Variants in ADCY2 observed in about 807,000 individuals in gnomAD.
ADCY2 encodes the protein adenylate cyclase type 2.
ADCY2 carries 31 observed loss-of-function variants against 125.2 expected under a neutral mutation model. The observed-to-expected ratio is 0.25, with a 90% CI of 0.19 to 0.33. The LOEUF is 0.33. Ranked by LOEUF, ADCY2 falls within the 10% of genes least tolerant of loss-of-function variation. The pLI, the probability that ADCY2 is intolerant of heterozygous loss-of-function variation, is 1.00. For missense variants in ADCY2, 904 were observed against 1,418.2 expected (o/e 0.64, Z 5.82); for synonymous variants, 512 against 548.4 (o/e 0.93, Z 0.93).
At position 7,444,205 on chromosome 5, in the gene ADCY2, C is replaced by G. The variant is rs945040533; in HGVS notation, c.408+29435C>G. Among the ~76,000 whole-genome samples the G allele has an allele frequency of 3.3e-5, 5 of 151,404 alleles. 2 individuals are homozygous for G. The highest frequency in any genetic ancestry group is 3.3e-4 in the Admixed American group (5 of 15,234). On this transcript the variant is annotated intron_variant, in intron 2 of 24. Transcript: ENST00000338316. ...CTCGGCTCACTGCAAGCTCCGCCTC[C>G]CGGGTTCACGCCATTCTCCAGCCTC...
At chr5:7,720,563 C>T (rs1046304851) in intron 12 of ADCY2, among the ~76,000 whole-genome samples, 1 of 151,246 alleles carries the variant, frequency 6.6e-6, no homozygotes, top group Non-Finnish European at 1.5e-5. Context: ...CACCCCATGA[C>T]AGGCTCTGTT....
chr5:7,777,585 A>G (rs1026405601), intron 18 of ADCY2, among the ~76,000 whole-genome samples: 3 of 152,198 alleles, frequency 2.0e-5, no homozygotes, highest in African/African-American at 7.2e-5. Context: ...AAGTTCAGGG[A>G]AGGCATCTCT....
intron 3 of ADCY2, among the ~76,000 whole-genome samples, chr5:7,541,438 G>A (rs947542393): frequency 6.6e-6 from 1 of 152,194 alleles, no homozygotes; most frequent in Non-Finnish European, 1.5e-5. Flanking sequence ...TTTAATCAGG[G>A]GAATGTCAGA....
intron 3 of ADCY2, among the ~76,000 whole-genome samples, chr5:7,566,219 T>G (rs1317843140): frequency 6.6e-6 from 1 of 152,192 alleles, no homozygotes; most frequent in Non-Finnish European, 1.5e-5. Flanking sequence ...CTGGGCGCAG[T>G]GGCTTAAGCC....
intron 3 of ADCY2, among the ~76,000 whole-genome samples, chr5:7,572,665 C>A (rs1383287049): frequency 6.6e-6 from 1 of 152,026 alleles, no homozygotes; most frequent in Non-Finnish European, 1.5e-5. Context: ...TTTTTGCTTT[C>A]GTTGCAATTA....
At chr5:7,714,370 A>G (rs953188780) in intron 11 of ADCY2, among the ~76,000 whole-genome samples, 3 of 152,232 alleles carry the variant, frequency 2.0e-5, no homozygotes, top group Admixed American at 2.0e-4. Context: ...GTAATGTGTC[A>G]TGGAACCCCA....
At chr5:7,715,425 T>C (rs1741565095) in intron 11 of ADCY2, among the ~76,000 whole-genome samples, 1 of 152,128 alleles carries the variant, frequency 6.6e-6, no homozygotes, top group African/African-American at 2.4e-5. Flanking sequence ...AGCCATCAAA[T>C]TGAAGTCAAG....
intron 2 of ADCY2, among the ~76,000 whole-genome samples, chr5:7,451,430 GT>G: frequency 6.6e-6 from 1 of 152,360 alleles, no homozygotes; most frequent in East Asian, 1.9e-4. Context: ...GCCTGAAGAT[GT>G]GAACAAATTA....
intron 2 of ADCY2, among the ~76,000 whole-genome samples, chr5:7,509,367 G>A (rs1006037600): frequency 6.6e-6 from 1 of 152,188 alleles, no homozygotes; most frequent in Non-Finnish European, 1.5e-5. Flanking sequence ...CCGTCCTTTC[G>A]CACAGCGTAG....
At chr5:7,411,934 G>T (rs1311915377) in intron 1 of ADCY2, among the ~76,000 whole-genome samples, 3 of 152,278 alleles carry the variant, frequency 2.0e-5, no homozygotes, top group African/African-American at 7.2e-5. Context: ...AATTGGCCGG[G>T]CGTAGTGGCG....
intron 4 of ADCY2, among the ~76,000 whole-genome samples, chr5:7,671,937 C>A (rs2126704995): frequency 6.6e-6 from 1 of 152,276 alleles, no homozygotes; most frequent in East Asian, 1.9e-4. Flanking sequence ...GACTTGGAGT[C>A]TCATTCAAAT....
chr5:7,529,301 G>T (rs1239979129), intron 3 of ADCY2, among the ~76,000 whole-genome samples: 1 of 152,114 alleles, frequency 6.6e-6, no homozygotes, highest in Non-Finnish European at 1.5e-5. Context: ...GAAGCATCAG[G>T]TATTAAAAAT....
chr5:7,481,689 A>G (rs1247519495), intron 2 of ADCY2, among the ~76,000 whole-genome samples: 3 of 151,854 alleles, frequency 2.0e-5, no homozygotes, highest in African/African-American at 7.3e-5. Context: ...GTTGTTTGTT[A>G]TTCTGGTTAT....
intron 3 of ADCY2, among the ~76,000 whole-genome samples, chr5:7,588,641 C>T (rs1258854466): frequency 1.3e-5 from 2 of 152,178 alleles, no homozygotes; most frequent in Non-Finnish European, 2.9e-5. Context: ...CCATAGACAA[C>T]ATGTAAATGA....
chr5:7,407,177 A>G (rs976315284), intron 1 of ADCY2, among the ~76,000 whole-genome samples: 2 of 152,252 alleles, frequency 1.3e-5, no homozygotes, highest in African/African-American at 4.8e-5. Flanking sequence ...GTAACAAGAC[A>G]GCAATTTTTC....
intron 3 of ADCY2, among the ~76,000 whole-genome samples, chr5:7,549,068 T>G (rs2126571139): frequency 6.6e-6 from 1 of 152,302 alleles, no homozygotes; most frequent in South Asian, 2.1e-4. Flanking sequence ...GTTACATAAC[T>G]GCTATAGCCT....
At chr5:7,422,822 C>A (rs1017291711) in intron 2 of ADCY2, among the ~76,000 whole-genome samples, 4 of 151,958 alleles carry the variant, frequency 2.6e-5, no homozygotes, top group African/African-American at 9.7e-5. Context: ...TGAAAATGAG[C>A]GAAAATGAAA....
intron 7 of ADCY2, among the ~76,000 whole-genome samples, chr5:7,703,031 G>A (rs1178045017): frequency 2.0e-5 from 3 of 152,170 alleles, no homozygotes; most frequent in African/African-American, 4.8e-5. Context: ...GTCTTCTTTC[G>A]AGAAGTGTCT....
intron 2 of ADCY2, among the ~76,000 whole-genome samples, chr5:7,449,858 G>A (rs1244415066): frequency 6.6e-6 from 1 of 152,172 alleles, no homozygotes; most frequent in Non-Finnish European, 1.5e-5. Flanking sequence ...TATTTGAAAA[G>A]TTTCATTATT....
Sources: allele counts gnomAD v4.1 joint callset (sites outside exome capture counted in the v4.1 genomes callset), GRCh38; gene constraint gnomAD v4.1.1; transcripts MANE v1.5; gene names NCBI Gene and HGNC (gene_info 2026-07-23, HGNC 2026-07-21).